PIK3R3: variants seen among roughly 807,000 people sequenced by gnomAD.
PIK3R3 encodes the protein phosphoinositide-3-kinase regulatory subunit 3, also known as phosphatidylinositol 3-kinase regulatory subunit gamma.
Under a neutral mutation model 62.9 loss-of-function variants are expected in PIK3R3, and 64 were observed. That is an observed-to-expected ratio of 1.02 (90% CI 0.83 to 1.25). The LOEUF (loss-of-function observed/expected upper bound fraction) is 1.25, where lower values mean the gene tolerates loss of function less well. PIK3R3 is among the 50% of genes most tolerant of loss of function. The pLI, the probability that PIK3R3 is intolerant of heterozygous loss-of-function variation, is 0.00. For missense variants in PIK3R3, 614 were observed against 561.6 expected, an observed-to-expected ratio of 1.09 and a Z score of -0.94; for synonymous variants, 165 against 189.0, an observed-to-expected ratio of 0.87 and a Z score of 1.04.
intron 1 of PIK3R3, among the ~76,000 whole-genome samples, chr1:46,108,719 C>T (rs2149451046): frequency 6.6e-6 from 1 of 152,310 alleles, no homozygotes; most frequent in African/African-American, 2.4e-5. Context: ...TTATCTCCTC[C>T]TTCCCTGAGC....
At chr1:46,152,281 T>C in the PIK3R3 span, among the ~76,000 whole-genome samples, 4 of 152,246 alleles carry the variant, frequency 2.6e-5, no homozygotes, top group East Asian at 7.7e-4. Flanking sequence ...CTTCTCCATA[T>C]CGGGTATCTA....
intron 4 of PIK3R3, 25 bp downstream of exon 4, chr1:46,066,886 C>T (rs574039840): frequency 6.4e-7 from 1 of 1,565,536 alleles, no homozygotes; most frequent in East Asian, 2.2e-5. Context: ...TGCTCAATAG[C>T]TAGCAAGGAT....
chr1:46,047,823 T>A (rs183044520), intron 7 of PIK3R3, among the ~76,000 whole-genome samples: 1 of 152,292 alleles, frequency 6.6e-6, no homozygotes, highest in East Asian at 1.9e-4. Flanking sequence ...CTCTGTCACC[T>A]AGGCTGGAAT....
At chr1:46,172,208 G>A in the PIK3R3 span, among the ~76,000 whole-genome samples, 1 of 152,108 alleles carries the variant, frequency 6.6e-6, no homozygotes, top group Non-Finnish European at 1.5e-5. Context: ...ATCTCCCCTG[G>A]GCTGCTCCCC....
chr1:46,065,876 C>G (rs112036442), intron 5 of PIK3R3, among the ~76,000 whole-genome samples, 178 bp downstream of exon 5: 1 of 152,102 alleles, frequency 6.6e-6, no homozygotes, highest in Admixed American at 6.6e-5. Flanking sequence ...TTAACTGATA[C>G]AAATTATATC....
chr1:46,116,751 T>C (rs1418455188), intron 1 of PIK3R3, among the ~76,000 whole-genome samples: 1 of 152,060 alleles, frequency 6.6e-6, no homozygotes, highest in Non-Finnish European at 1.5e-5. Flanking sequence ...GTCTTATGTG[T>C]ACTATTCCAT....
intron 3 of PIK3R3, among the ~76,000 whole-genome samples, chr1:46,074,562 G>A (rs1330461475): frequency 1.3e-5 from 2 of 151,970 alleles, no homozygotes; most frequent in African/African-American, 4.8e-5. Flanking sequence ...TGGTGGGGGT[G>A]GGTCCTGAGA....
intron 1 of PIK3R3, among the ~76,000 whole-genome samples, chr1:46,131,068 TCA>T (rs541541656): frequency 1.8e-3 from 268 of 149,214 alleles, no homozygotes; most frequent in African/African-American, 6.2e-3. Context: ...TATGTATATA[TCA>T]CACGTTCACA....
At chr1:46,119,617 G>T (rs1278953868) in intron 1 of PIK3R3, among the ~76,000 whole-genome samples, 3 of 151,996 alleles carry the variant, frequency 2.0e-5, no homozygotes, top group Non-Finnish European at 4.4e-5. Context: ...ATAATCTACA[G>T]GTTACTTTAA....
chr1:46,169,053 C>T, the PIK3R3 span, among the ~76,000 whole-genome samples: 1 of 152,146 alleles, frequency 6.6e-6, no homozygotes, highest in Non-Finnish European at 1.5e-5. Context: ...AGCTGTCAGC[C>T]CCTATTGCAC....
At chr1:46,073,874 T>A (rs966233597) in intron 3 of PIK3R3, among the ~76,000 whole-genome samples, 15 of 149,614 alleles carry the variant, frequency 1.0e-4, no homozygotes, top group Non-Finnish European at 2.1e-4. Flanking sequence ...GATCTCATGA[T>A]CCGCCTGCCT....
intron 3 of PIK3R3, among the ~76,000 whole-genome samples, chr1:46,068,660 G>A (rs956020758): frequency 3.3e-5 from 5 of 152,192 alleles, no homozygotes; most frequent in East Asian, 3.8e-4. Context: ...AGATATGTAC[G>A]GGAAGTTTCC....
At chr1:46,064,389 C>T (rs1229588057) in intron 5 of PIK3R3, among the ~76,000 whole-genome samples, 2 of 150,338 alleles carry the variant, frequency 1.3e-5, no homozygotes, top group Non-Finnish European at 3.0e-5. Context: ...AAAAATACAA[C>T]AATTTGCCGG....
chr1:46,159,592 A>T, the PIK3R3 span, among the ~76,000 whole-genome samples: 15 of 152,258 alleles, frequency 9.9e-5, no homozygotes, highest in South Asian at 2.9e-3. Flanking sequence ...GATTACAGAA[A>T]ATCCCCAGGA....
upstream of PIK3R3, among the ~76,000 whole-genome samples, chr1:46,137,430 A>T (rs1022276108): frequency 1.3e-5 from 2 of 152,248 alleles, no homozygotes; most frequent in Non-Finnish European, 2.9e-5. Context: ...AGCTTCCTGG[A>T]AGAGGTGACA....
chr1:46,132,703 T>C, upstream of PIK3R3: 1 of 1,289,440 alleles, frequency 7.8e-7, no homozygotes, highest in African/African-American at 1.5e-5. Context: ...GCCCACCCGC[T>C]GAGGCGCCAC....
intron 3 of PIK3R3, among the ~76,000 whole-genome samples, chr1:46,076,722 T>C (rs1650098605): frequency 1.3e-5 from 2 of 152,194 alleles, no homozygotes; most frequent in South Asian, 4.1e-4. Context: ...ACTTTCTAAC[T>C]ATGTGACTTT....
At position 46,044,080 on chromosome 1, in the gene PIK3R3, CTTTT is replaced by C. The variant is rs11316852; in HGVS notation, c.1188-213_1188-210del. On this transcript the variant is annotated intron_variant, in intron 9 of 9. Transcript: ENST00000262741. The surrounding 1 kb of genome is among the most constrained non-coding windows in gnomAD (Gnocchi z 4.2). Reference sequence around the variant, plus strand: ...CACAAATGTAAGGGTTTATTTATTTCTTTTTTTTTTTTTTAGACAGGGTCTCGCT... The same window carrying C: ...CACAAATGTAAGGGTTTATTTATTTCTTTTTTTTTTAGACAGGGTCTCGCT... Among the ~76,000 whole-genome samples the C allele has an allele frequency of 1.4e-5, 2 of 145,380 alleles. No homozygotes were observed. The highest frequency in any genetic ancestry group is 2.5e-5 in the African/African-American group (1 of 39,594).
At chr1:46,101,194 T>C (rs1252637792) in intron 1 of PIK3R3, among the ~76,000 whole-genome samples, 1 of 136,328 alleles carries the variant, frequency 7.3e-6, no homozygotes, top group Admixed American at 7.3e-5. Flanking sequence ...AAAAAAAAAT[T>C]TGTAAAAACA....
Sources: gnomAD v4.1 joint callset for allele counts (sites outside exome capture counted in the v4.1 genomes callset) on GRCh38, gnomAD v4.1.1 for gene constraint, Gnocchi (gnomAD v3.1) non-coding constraint, MANE v1.5 for transcripts, NCBI Gene and HGNC (gene_info 2026-07-23, HGNC 2026-07-21) for gene names.